Variants in GPC1 observed in about 807,000 individuals in gnomAD.
The protein encoded by GPC1 is glypican-1.
In GPC1, 26 loss-of-function variants were observed where a neutral mutation model predicts 51.5. The observed-to-expected ratio is 0.50, with a 90% CI of 0.37 to 0.70. The LOEUF is 0.70. GPC1 is among the 30% of genes least tolerant of loss of function. GPC1 has a pLI of 0.00. For synonymous variants in GPC1, 380 were observed against 348.3 expected (o/e 1.09, Z -1.01); for missense variants, 775 against 800.5 (o/e 0.97, Z 0.38).
Position 240,463,457 on chromosome 2 carries a change from C to T in GPC1, c.828C>T (p.Leu276=). The change falls in exon 4 of 9, where the codon CTC becomes CTT. Residue 276 remains leucine, a synonymous_variant. Transcript: ENST00000264039. The part of the protein sequence containing the change: ...RPCPDYCRNV[L]KGCLANQADL... ...GCCCTGACTATTGCCGAAATGTGCT[C>T]AAGGGCTGCCTTGCCAACCAGGCCG... 1 of 1,613,044 alleles carries T rather than the reference C, an allele frequency of 6.2e-7. No individual in the cohort carries two copies. Among genetic ancestry groups the T allele is most frequent in the Non-Finnish European group, 8.5e-7 (1 of 1,179,934 alleles).
intron 1 of GPC1, chr2:240,456,609 G>A (rs1050407796): frequency 2.8e-5 from 13 of 470,658 alleles, no homozygotes; most frequent in African/African-American, 6.0e-5. Flanking sequence ...TCATGTGTCC[G>A]GCTGACCTGT....
intron 1 of GPC1, among the ~76,000 whole-genome samples, chr2:240,453,834 C>T (rs1212176226): frequency 6.6e-6 from 1 of 151,906 alleles, no homozygotes; most frequent in Non-Finnish European, 1.5e-5. Flanking sequence ...GCGACGCTGC[C>T]GCCGGTGCCG....
In GPC1 at chr2:240,464,991, G is replaced by T; in HGVS notation, c.1134+16G>T. On this transcript the variant is annotated intron_variant, in intron 6 of 8. Transcript: ENST00000264039. ...GGAGAAGCTGGTGAGTGGCCCCTGCGTGTCCACTGGACCAGGCATGAGGGA... is the reference window on the plus strand; with the variant it reads ...GGAGAAGCTGGTGAGTGGCCCCTGCTTGTCCACTGGACCAGGCATGAGGGA... 6.4e-7 allele frequency: 1 copy of T among 1,562,572 alleles called. No individual in the cohort carries two copies. The highest frequency in any genetic ancestry group is 8.7e-7 in the Non-Finnish European group (1 of 1,153,922).
At chr2:240,439,780 G>C (rs1314950688) in intron 1 of GPC1, among the ~76,000 whole-genome samples, 1 of 152,210 alleles carries the variant, frequency 6.6e-6, no homozygotes, top group Non-Finnish European at 1.5e-5. Context: ...CCTGTGCCCT[G>C]TCCTGTCCAG....
intron 1 of GPC1, among the ~76,000 whole-genome samples, chr2:240,440,219 A>T (rs2074009283): frequency 6.6e-6 from 1 of 152,170 alleles, no homozygotes; most frequent in Admixed American, 6.5e-5. Context: ...GTACCCTAAG[A>T]GCACTCATGA....
At chr2:240,454,170 C>T (rs2074134012) in intron 1 of GPC1, among the ~76,000 whole-genome samples, 1 of 152,112 alleles carries the variant, frequency 6.6e-6, no homozygotes, top group African/African-American at 2.4e-5. Context: ...ATGCCGTGGC[C>T]GGTCCACCTC....
In GPC1 at chr2:240,435,849, A is replaced by C. The variant is rs1166536594; in HGVS notation, c.-70A>C. 2.0e-6 allele frequency: 2 copies of C among 1,001,990 alleles called. No homozygotes were observed. Among genetic ancestry groups the C allele is most frequent in the African/African-American group, 3.4e-5 (2 of 59,056 alleles). 62.1% of individuals were successfully genotyped at this position (1,001,990 alleles called of 1,614,324 possible). ...CTTGGCTCTGCCCTTCGCGGGCGGG[A>C]ACTGCGCAGGACCCGGCCAGGATCC... On this transcript the variant is annotated 5_prime_UTR_variant, in exon 1 of 9. Transcript: ENST00000264039.
intron 4 of GPC1, chr2:240,463,778 A>C (rs2074237001): frequency 7.6e-6 from 4 of 526,472 alleles, no homozygotes; most frequent in Non-Finnish European, 1.4e-5. Flanking sequence ...CTTAGCAAGC[A>C]CCTCGGTGTG....
chr2:240,438,940 C>T (rs887076893), intron 1 of GPC1, among the ~76,000 whole-genome samples: 1 of 152,166 alleles, frequency 6.6e-6, no homozygotes, highest in African/African-American at 2.4e-5. Context: ...AAGGCAAGGG[C>T]GGAGCCGAGT....
At chr2:240,462,062 T>G in intron 2 of GPC1, 129 bp from the exon 3 acceptor site, 1 of 893,290 alleles carries the variant, frequency 1.1e-6, no homozygotes, top group Non-Finnish European at 1.6e-6. Context: ...CGCTGCAGTG[T>G]GGCGTCCGAC....
intron 1 of GPC1, among the ~76,000 whole-genome samples, chr2:240,438,947 G>A (rs1300686725): frequency 2.0e-5 from 3 of 152,142 alleles, no homozygotes; most frequent in South Asian, 2.1e-4. Context: ...GGGCGGAGCC[G>A]AGTGGCACCC....
At chr2:240,464,781 TG>T in intron 5 of GPC1, 35 bp downstream of exon 5, 1 of 1,582,028 alleles carries the variant, frequency 6.3e-7, no homozygotes. Flanking sequence ...CACAGCGGGG[TG>T]GGGGTCCTGG....
intron 1 of GPC1, 115 bp from the exon 2 acceptor site, chr2:240,458,915 C>G (rs2074193319): frequency 2.1e-6 from 2 of 966,354 alleles, no homozygotes; most frequent in Admixed American, 4.5e-5. Flanking sequence ...GCTGGCCCAC[C>G]CCTGAGCTGT....
At chr2:240,465,917 T>A (rs1196590767) in intron 8 of GPC1, 141 bp from the exon 9 acceptor site, 1 of 633,084 alleles carries the variant, frequency 1.6e-6, no homozygotes, top group Non-Finnish European at 2.8e-6. Context: ...GCCTCAGGGG[T>A]CAGCGGGGAT....
At chr2:240,460,825 C>A (rs1039152238) in intron 2 of GPC1, among the ~76,000 whole-genome samples, 1 of 152,184 alleles carries the variant, frequency 6.6e-6, no homozygotes, top group Non-Finnish European at 1.5e-5. Flanking sequence ...CCTCCCCTCC[C>A]ACCCCTGCCC....
rs1434088226 is a variant in GPC1 at position 240,437,256 on chromosome 2, G to T, written c.166+1172G>T. Among the ~76,000 whole-genome samples the T allele has an allele frequency of 2.0e-5, 3 of 152,278 alleles. No homozygotes were observed. In the East Asian group the frequency reaches 5.8e-4, roughly 29 times the overall value. On this transcript the variant is annotated intron_variant, in intron 1 of 8. Coordinates refer to ENST00000264039, the MANE Select transcript of GPC1 (RefSeq NM_002081.3). ...GTCTGTGGCCATGCCTTGCCGCGGG[G>T]GGCGGAGTGGTGGGAGGAGGCAGTC...
intron 1 of GPC1, among the ~76,000 whole-genome samples, chr2:240,441,267 T>TCCATGTGCATGGCACAGGTGTCAG (rs2151785643): frequency 6.6e-6 from 1 of 152,352 alleles, no homozygotes; most frequent in Non-Finnish European, 1.5e-5. Context: ...TTCTATGGCA[T>TCCATGTGCATGGCACAGGTGTCAG]CCATGTGCAT....
At chr2:240,453,041 G>A (rs1165498488) in intron 1 of GPC1, 6 of 340,510 alleles carry the variant, frequency 1.8e-5, no homozygotes, top group African/African-American at 2.3e-5. Flanking sequence ...GTCCGCCGCC[G>A]CGCTGGAAGC....
chr2:240,455,074 G>A (rs942795461), intron 1 of GPC1: 2 of 172,658 alleles, frequency 1.2e-5, no homozygotes, highest in African/African-American at 4.8e-5. Flanking sequence ...GAGTGGGGTG[G>A]TCCAGAACCG....
Sources: allele counts gnomAD v4.1 joint callset (sites outside exome capture counted in the v4.1 genomes callset), GRCh38; gene constraint gnomAD v4.1.1; transcripts MANE v1.5; gene names NCBI Gene and HGNC (gene_info 2026-07-23, HGNC 2026-07-21).